The following PTPRG variants were observed in gnomAD, a reference collection of about 807,000 sequenced individuals.
PTPRG encodes protein tyrosine phosphatase receptor type G, also known as receptor-type tyrosine-protein phosphatase gamma.
Under a neutral mutation model 165.3 loss-of-function variants are expected in PTPRG, and 102 were observed. The observed-to-expected ratio is 0.62, with a 90% CI of 0.53 to 0.73. The LOEUF (loss-of-function observed/expected upper bound fraction) is 0.73. Ranked by LOEUF, PTPRG falls within the 30% of genes least tolerant of loss-of-function variation. PTPRG has a pLI of 0.00. For missense variants in PTPRG, 1,866 were observed against 1,861.4 expected (o/e 1.00, Z -0.05); for synonymous variants, 675 against 669.5 (o/e 1.01, Z -0.13).
intron 2 of PTPRG, among the ~76,000 whole-genome samples, chr3:61,808,615 C>G (rs1274450122): frequency 1.3e-5 from 2 of 152,180 alleles, no homozygotes; most frequent in African/African-American, 4.8e-5. Context: ...CACACCATCC[C>G]TTTCGCAAAA....
At chr3:62,196,787 T>C (rs1277910886) in intron 10 of PTPRG, among the ~76,000 whole-genome samples, 1 of 150,898 alleles carries the variant, frequency 6.6e-6, no homozygotes, top group Non-Finnish European at 1.5e-5. Flanking sequence ...TGGTGAACGC[T>C]TTTTGAGTTA....
chr3:61,931,527 G>A (rs1575797468), intron 2 of PTPRG, among the ~76,000 whole-genome samples: 1 of 152,134 alleles, frequency 6.6e-6, no homozygotes, highest in Admixed American at 6.5e-5. Context: ...GGATCTGCTG[G>A]CGAGGGACTG....
chr3:62,023,899 GTTA>G (rs1313354631), intron 4 of PTPRG, among the ~76,000 whole-genome samples: 1 of 152,048 alleles, frequency 6.6e-6, no homozygotes, highest in Non-Finnish European at 1.5e-5. Flanking sequence ...CAATAATGGT[GTTA>G]TTGTCCACAT....
intron 6 of PTPRG, among the ~76,000 whole-genome samples, chr3:62,144,938 G>A (rs1163453091): frequency 1.3e-5 from 2 of 151,920 alleles, no homozygotes; most frequent in Admixed American, 6.6e-5. Flanking sequence ...ATATTTTATC[G>A]TTTGAACAGG....
At chr3:62,106,569 C>T (rs927715316) in intron 5 of PTPRG, among the ~76,000 whole-genome samples, 9 of 148,408 alleles carry the variant, frequency 6.1e-5, no homozygotes, top group Non-Finnish European at 8.9e-5. Flanking sequence ...GACGCAATCA[C>T]GGTTCACCGC....
At chr3:61,991,700 A>G (rs143304784) in intron 3 of PTPRG, among the ~76,000 whole-genome samples, 12 of 152,326 alleles carry the variant, frequency 7.9e-5, no homozygotes, top group Non-Finnish European at 1.6e-4. Flanking sequence ...ACTGGGTGCA[A>G]TCAGATTGGA....
intron 12 of PTPRG, chr3:62,218,006 A>G (rs1198706753): frequency 6.6e-6 from 1 of 152,316 alleles, no homozygotes; most frequent in Non-Finnish European, 1.5e-5. Context: ...TTGGGAAAGA[A>G]AATAGGAGCT....
chr3:62,083,911 T>C (rs897000498), intron 5 of PTPRG, among the ~76,000 whole-genome samples: 3 of 152,258 alleles, frequency 2.0e-5, no homozygotes, highest in African/African-American at 7.2e-5. Flanking sequence ...ATTGTGTTTT[T>C]TCATGAAGTA....
chr3:61,644,102 T>G (rs1347452037), intron 1 of PTPRG, among the ~76,000 whole-genome samples: 1 of 152,216 alleles, frequency 6.6e-6, no homozygotes, highest in Non-Finnish European at 1.5e-5. Context: ...TATTAATAAC[T>G]AATTGGGTGC....
intron 1 of PTPRG, among the ~76,000 whole-genome samples, chr3:61,615,982 C>T (rs913543188): frequency 5.3e-5 from 8 of 152,170 alleles, no homozygotes; most frequent in African/African-American, 1.4e-4. Context: ...GATGGAGTCT[C>T]GCTCTGTTCC....
At chr3:62,157,333 C>A in intron 7 of PTPRG, 109 bp downstream of exon 7, 1 of 1,121,574 alleles carries the variant, frequency 8.9e-7, no homozygotes, top group Admixed American at 2.5e-5. Context: ...TGATCCTGTG[C>A]ATATCATTGA....
At chr3:62,279,275 C>T (rs1409202789) in intron 26 of PTPRG, among the ~76,000 whole-genome samples, 1 of 152,018 alleles carries the variant, frequency 6.6e-6, no homozygotes, top group African/African-American at 2.4e-5. Flanking sequence ...TATAAATATA[C>T]TTGTAAGCAA....
intron 2 of PTPRG, among the ~76,000 whole-genome samples, chr3:61,968,405 G>A (rs1252541398): frequency 6.6e-6 from 1 of 152,108 alleles, no homozygotes; most frequent in Non-Finnish European, 1.5e-5. Context: ...TGGATATGAA[G>A]CCCATCTGTG....
chr3:61,683,294 T>C (rs1381739519), intron 1 of PTPRG, among the ~76,000 whole-genome samples: 2 of 152,248 alleles, frequency 1.3e-5, no homozygotes, highest in East Asian at 3.8e-4. Context: ...CAGAGCCGAA[T>C]GGCGTCAGTC....
rs144231833 is a variant in PTPRG, at chr3:62,004,715, T to A, written c.519+1218T>A. On this transcript the variant is annotated intron_variant, in intron 4 of 29. Coordinates refer to ENST00000474889, the MANE Select transcript of PTPRG (RefSeq NM_002841.4). ...CTAGACCGAACCCCTGGTGTTTCAG[T>A]AACAGTTCCAGCCGATGGCTGTATT... 1.6e-3 allele frequency among the ~76,000 whole-genome samples: 250 copies of A among 152,324 alleles called. 2 individuals carry two copies. The highest frequency in any genetic ancestry group is 5.9e-3 in the African/African-American group (245 of 41,584).
intron 2 of PTPRG, among the ~76,000 whole-genome samples, chr3:61,869,534 A>G (rs2037501708): frequency 6.6e-6 from 1 of 151,922 alleles, no homozygotes; most frequent in African/African-American, 2.4e-5. Context: ...CTTTGTCCAG[A>G]ATCCCTGGAT....
intron 5 of PTPRG, among the ~76,000 whole-genome samples, chr3:62,103,287 A>C (rs200321565): frequency 8.7e-6 from 1 of 115,106 alleles, no homozygotes; most frequent in African/African-American, 3.7e-5. Flanking sequence ...CCATTAAGTG[A>C]AGGTCTTAAT....
Position 62,271,130 on chromosome 3 carries a change from G to T in PTPRG, c.3010-253G>T, listed in dbSNP as rs1364571900. Among the ~76,000 whole-genome samples the T allele has an allele frequency of 6.6e-6, 1 of 152,018 alleles. No individual in the cohort carries two copies. Among genetic ancestry groups the T allele is most frequent in the East Asian group, 1.9e-4 (1 of 5,200 alleles). On this transcript the variant is annotated intron_variant, in intron 20 of 29. Coordinates refer to ENST00000474889, the MANE Select transcript of PTPRG (RefSeq NM_002841.4). This position sits in a 1 kb window ranked among gnomAD's most constrained non-coding sequence, Gnocchi z 4.1. ...GATAGTTCCAAATCCAAAAAAAACT[G>T]ATACTAAATGTTCATTCTTAGTACA...
At chr3:61,834,497 A>T (rs1254280241) in intron 2 of PTPRG, among the ~76,000 whole-genome samples, 1 of 152,030 alleles carries the variant, frequency 6.6e-6, no homozygotes, top group Non-Finnish European at 1.5e-5. Context: ...GGAGTTCAAG[A>T]CTAGCCTAGT....
Sources: allele counts gnomAD v4.1 joint callset (sites outside exome capture counted in the v4.1 genomes callset), GRCh38; gene constraint gnomAD v4.1.1; non-coding constraint Gnocchi (gnomAD v3.1); transcripts MANE v1.5; gene names NCBI Gene and HGNC (gene_info 2026-07-23, HGNC 2026-07-21).